GNAQ: variants seen among roughly 807,000 people sequenced by gnomAD.
GNAQ encodes guanine nucleotide-binding protein G(q) subunit alpha.
In GNAQ, 8 loss-of-function variants were observed where a neutral mutation model predicts 43.9. The ratio of observed to expected loss-of-function variants is 0.18; its 90% CI spans 0.11 to 0.33. The LOEUF (loss-of-function observed/expected upper bound fraction) is 0.33, where lower values mean the gene tolerates loss of function less well. Ranked by LOEUF, GNAQ falls within the 10% of genes least tolerant of loss-of-function variation. The probability of loss-of-function intolerance (pLI) is 1.00; values close to 1 mark genes in which losing one functional copy is unlikely to be tolerated. For synonymous variants in GNAQ, 155 were observed against 170.7 expected, an observed-to-expected ratio of 0.91 and a Z score of 0.71; for missense variants, 158 against 450.8, an observed-to-expected ratio of 0.35 and a Z score of 5.88.
chr9:77,994,039 C>A (rs1400102809), intron 1 of GNAQ, among the ~76,000 whole-genome samples: 1 of 152,204 alleles, frequency 6.6e-6, no homozygotes, highest in East Asian at 1.9e-4. Flanking sequence ...GTTTTTGAGA[C>A]AAGGTCTTAC....
intron 5 of GNAQ, among the ~76,000 whole-genome samples, chr9:77,756,547 G>C (rs1322471580): frequency 6.6e-6 from 1 of 152,212 alleles, no homozygotes; most frequent in Admixed American, 6.5e-5. Context: ...TATGAGCAAA[G>C]TGATAACCAT....
intron 2 of GNAQ, among the ~76,000 whole-genome samples, chr9:77,881,113 C>T (rs974933722): frequency 6.6e-6 from 1 of 152,160 alleles, no homozygotes; most frequent in African/African-American, 2.4e-5. Flanking sequence ...ATGTCCCAAG[C>T]CCCTGACACT....
At chr9:77,751,894 C>CT (rs1397842048) in intron 5 of GNAQ, among the ~76,000 whole-genome samples, 1 of 152,174 alleles carries the variant, frequency 6.6e-6, no homozygotes, top group East Asian at 1.9e-4. Flanking sequence ...AACACAGGAA[C>CT]AGTGGCCCTG....
At chr9:77,874,916 T>C (rs1235890901) in intron 2 of GNAQ, among the ~76,000 whole-genome samples, 4 of 151,990 alleles carry the variant, frequency 2.6e-5, no homozygotes, top group East Asian at 3.9e-4. Context: ...CCACCTCACA[T>C]GGCCTTACCT....
intron 1 of GNAQ, among the ~76,000 whole-genome samples, chr9:77,989,799 T>C (rs1823486735): frequency 6.6e-6 from 1 of 152,244 alleles, no homozygotes; most frequent in Non-Finnish European, 1.5e-5. Flanking sequence ...CACCGTTTCA[T>C]AGATGATTAT....
Position 77,922,416 on chromosome 9 carries a change from A to G in GNAQ, c.137-71T>C, listed in dbSNP as rs561305806. 1.2e-4 allele frequency: 120 copies of G among 1,012,778 alleles called. 1 individual carries two copies. The Middle Eastern group carries it at 2.4e-3, about 20-fold the overall frequency. The allele number at this position is 1,012,778 out of a possible 1,614,324, so 62.7% of individuals were successfully genotyped here. On this transcript the variant is annotated intron_variant, in intron 1 of 6. Coordinates refer to ENST00000286548, the MANE Select transcript of GNAQ (RefSeq NM_002072.5). ...AGTCTCTCAGATAACTAAACCAAAT[A>G]CCATGCCTTGGATTTAACATCCCCA...
At chr9:77,795,068 G>A (rs1826635908) in intron 4 of GNAQ, among the ~76,000 whole-genome samples, 1 of 152,250 alleles carries the variant, frequency 6.6e-6, no homozygotes, top group East Asian at 1.9e-4. Context: ...TTCAATATGG[G>A]TGGTATGATG....
chr9:77,878,323 G>A (rs999746196), intron 2 of GNAQ, among the ~76,000 whole-genome samples: 1 of 151,120 alleles, frequency 6.6e-6, no homozygotes. Flanking sequence ...CCAGGGTAAT[G>A]GCAGAAAGGG....
intron 1 of GNAQ, among the ~76,000 whole-genome samples, chr9:78,018,625 G>C (rs184858349): frequency 2.0e-5 from 3 of 152,026 alleles, no homozygotes; most frequent in Non-Finnish European, 4.4e-5. Context: ...ATTTCTTCTC[G>C]ACTCAAACTT....
chr9:77,740,244 C>T (rs185744381), intron 5 of GNAQ, among the ~76,000 whole-genome samples: 201 of 152,292 alleles, frequency 1.3e-3, no homozygotes, highest in Middle Eastern at 3.4e-3. Flanking sequence ...TTCAAAGGAC[C>T]TGTATGACAC....
In GNAQ at chr9:77,862,054, G is replaced by A. The variant is rs12001855; in HGVS notation, c.322-46284C>T. On this transcript the variant is annotated intron_variant, in intron 2 of 6. Coordinates refer to ENST00000286548, the MANE Select transcript of GNAQ (RefSeq NM_002072.5). Reference sequence around the variant, plus strand: ...AAAGAGGTGGACTCCCATGGTCTTGGACAGTTCTGCCGTTCTGCCCCTGTG... The same window carrying A: ...AAAGAGGTGGACTCCCATGGTCTTGAACAGTTCTGCCGTTCTGCCCCTGTG... Among the ~76,000 whole-genome samples, 1,090 of 151,100 alleles carry A rather than the reference G, an allele frequency of 7.2e-3. 19 individuals are homozygous for A. The highest frequency in any genetic ancestry group is 0.025 in the African/African-American group (1,016 of 41,198).
At chr9:77,795,518 T>C (rs1004756733) in intron 4 of GNAQ, among the ~76,000 whole-genome samples, 2 of 152,186 alleles carry the variant, frequency 1.3e-5, no homozygotes, top group African/African-American at 4.8e-5. Context: ...CTTTAAACAT[T>C]TGTTTAAAAT....
rs141234871 is a variant in GNAQ at position 77,916,913 on chromosome 9, C to A, written c.321+5248G>T. Among the ~76,000 whole-genome samples the A allele has an allele frequency of 5.5e-4, 84 of 152,276 alleles. 1 individual carries two copies. The highest frequency in any genetic ancestry group is 8.4e-4 in the Non-Finnish European group (57 of 68,012). ...ACTGGCAAAGAGAGCAATGGCCTATCAATACTTTGAAATTGCCACAATACC... is the reference window on the plus strand; with the variant it reads ...ACTGGCAAAGAGAGCAATGGCCTATAAATACTTTGAAATTGCCACAATACC... On this transcript the variant is annotated intron_variant, in intron 2 of 6. Transcript: ENST00000286548.
At chr9:77,725,811 GGTATGCTGC>G (rs1797761538) in intron 6 of GNAQ, among the ~76,000 whole-genome samples, 1 of 152,058 alleles carries the variant, frequency 6.6e-6, no homozygotes, top group Admixed American at 6.5e-5. Flanking sequence ...AGTGTGGCTA[GGTATGCTGC>G]ATCTGAGAAG....
At chr9:77,766,498 A>AAAT (rs1214004377) in intron 5 of GNAQ, among the ~76,000 whole-genome samples, 2 of 152,220 alleles carry the variant, frequency 1.3e-5, no homozygotes, top group African/African-American at 4.8e-5. Flanking sequence ...TTTGACTAAA[A>AAAT]AATAATGCTC....
chr9:77,923,776 G>A (rs1829030554), intron 1 of GNAQ, among the ~76,000 whole-genome samples: 1 of 151,578 alleles, frequency 6.6e-6, no homozygotes, highest in African/African-American at 2.4e-5. Flanking sequence ...AAGAAAGAAA[G>A]AAAGGGAAGG....
At chr9:77,808,410 A>G (rs867297662) in intron 3 of GNAQ, among the ~76,000 whole-genome samples, 1 of 150,250 alleles carries the variant, frequency 6.7e-6, no homozygotes, top group Non-Finnish European at 1.5e-5. Context: ...CTAGATAACA[A>G]AACAGGAAGA....
At chr9:77,880,670 C>A (rs1012463621) in intron 2 of GNAQ, among the ~76,000 whole-genome samples, 1 of 151,940 alleles carries the variant, frequency 6.6e-6, no homozygotes, top group Non-Finnish European at 1.5e-5. Flanking sequence ...ACCCCACATC[C>A]CAAATTCTAT....
chr9:77,951,089 GTTCTTTTTT>G (rs1822969876), intron 1 of GNAQ, among the ~76,000 whole-genome samples: 1 of 76,710 alleles, frequency 1.3e-5, no homozygotes, highest in East Asian at 4.5e-4. Flanking sequence ...GCAGTCAAGT[GTTCTTTTTT>G]TTTTTTTTTT....
Sources: gnomAD v4.1 joint callset for allele counts (sites outside exome capture counted in the v4.1 genomes callset) on GRCh38, gnomAD v4.1.1 for gene constraint, MANE v1.5 for transcripts, NCBI Gene and HGNC (gene_info 2026-07-23, HGNC 2026-07-21) for gene names.